The following PTPRD variants were observed in gnomAD, a reference collection of about 807,000 sequenced individuals.
PTPRD encodes receptor-type tyrosine-protein phosphatase delta.
PTPRD carries 34 observed loss-of-function variants against 214.5 expected under a neutral mutation model. That is an observed-to-expected ratio of 0.16 (90% CI 0.12 to 0.21). The LOEUF (loss-of-function observed/expected upper bound fraction) is 0.21. Ranked by LOEUF, PTPRD falls within the 10% of genes least tolerant of loss-of-function variation. PTPRD has a pLI of 1.00. For missense variants in PTPRD, 2,545 were observed against 2,398.7 expected, an observed-to-expected ratio of 1.06 and a Z score of -1.27; for synonymous variants, 1,128 against 845.7, an observed-to-expected ratio of 1.33 and a Z score of -5.79.
intron 11 of PTPRD, among the ~76,000 whole-genome samples, chr9:8,774,527 CTT>C (rs564318443): frequency 8.6e-5 from 9 of 105,218 alleles, no homozygotes; most frequent in South Asian, 3.4e-4. Context: ...TGAAAAGTAA[CTT>C]TTTTTTTTTT....
At chr9:10,354,792 G>A (rs1168011212) in intron 2 of PTPRD, among the ~76,000 whole-genome samples, 1 of 152,118 alleles carries the variant, frequency 6.6e-6, no homozygotes, top group African/African-American at 2.4e-5. Context: ...CATGGGAAAT[G>A]CATCTGACAG....
intron 30 of PTPRD, among the ~76,000 whole-genome samples, chr9:8,478,688 T>C (rs1296131865): frequency 1.3e-5 from 2 of 152,160 alleles, no homozygotes; most frequent in Non-Finnish European, 2.9e-5. Context: ...ACCACAGAAT[T>C]CCTGATACCA....
intron 5 of PTPRD, among the ~76,000 whole-genome samples, chr9:9,785,263 G>T (rs2098913500): frequency 1.3e-5 from 2 of 151,892 alleles, no homozygotes; most frequent in Admixed American, 1.3e-4. Context: ...GATTCGCAAG[G>T]GATACCAAAA....
intron 8 of PTPRD, among the ~76,000 whole-genome samples, chr9:9,483,381 A>C (rs1218998773): frequency 3.3e-5 from 5 of 152,166 alleles, no homozygotes. Flanking sequence ...ATGTGGCTTC[A>C]CCATTTGTCA....
intron 8 of PTPRD, among the ~76,000 whole-genome samples, chr9:9,398,426 A>G (rs992140056): frequency 1.3e-5 from 2 of 152,048 alleles, no homozygotes; most frequent in Non-Finnish European, 1.5e-5. Context: ...AGAAGATTCT[A>G]GTTGAGCTAA....
intron 8 of PTPRD, among the ~76,000 whole-genome samples, chr9:9,513,281 C>A (rs756491259): frequency 3.9e-5 from 6 of 151,960 alleles, no homozygotes; most frequent in Non-Finnish European, 7.4e-5. Flanking sequence ...ATGTCTCACA[C>A]AGTGTGATAA....
intron 7 of PTPRD, among the ~76,000 whole-genome samples, chr9:9,614,407 G>A (rs1268857865): frequency 1.3e-5 from 2 of 151,932 alleles, no homozygotes; most frequent in Non-Finnish European, 2.9e-5. Context: ...TTTTTTAAAT[G>A]AGGAAAAAAT....
At chr9:8,461,816 A>T (rs1161594832) in intron 32 of PTPRD, among the ~76,000 whole-genome samples, 4 of 151,576 alleles carry the variant, frequency 2.6e-5, no homozygotes, top group East Asian at 1.9e-4. Context: ...TTCTTTTTTT[A>T]AAAAAATTTT....
chr9:8,577,425 T>A (rs1368098597), intron 14 of PTPRD, among the ~76,000 whole-genome samples: 1 of 151,920 alleles, frequency 6.6e-6, no homozygotes, highest in Non-Finnish European at 1.5e-5. Flanking sequence ...CCAGAAAAAA[T>A]TGTATTTTTA....
At chr9:8,969,338 G>T (rs990993807) in intron 11 of PTPRD, among the ~76,000 whole-genome samples, 2 of 152,124 alleles carry the variant, frequency 1.3e-5, no homozygotes, top group South Asian at 2.1e-4. Flanking sequence ...TTCAGAACAT[G>T]CACAGACTAT....
At chr9:8,714,341 C>A (rs1311503486) in intron 12 of PTPRD, among the ~76,000 whole-genome samples, 2 of 151,644 alleles carry the variant, frequency 1.3e-5, no homozygotes, top group Non-Finnish European at 2.9e-5. Context: ...TGTTTTATAT[C>A]ACGGCCTCCT....
At chr9:9,869,515 T>A (rs2064889281) in intron 5 of PTPRD, among the ~76,000 whole-genome samples, 1 of 152,132 alleles carries the variant, frequency 6.6e-6, no homozygotes, top group Admixed American at 6.6e-5. Flanking sequence ...ATGCTGGATT[T>A]GTCCCACATT....
At chr9:10,066,252 G>T (rs1475712207) in intron 3 of PTPRD, among the ~76,000 whole-genome samples, 1 of 151,118 alleles carries the variant, frequency 6.6e-6, no homozygotes, top group African/African-American at 2.4e-5. Flanking sequence ...TACCAATAAA[G>T]CTTCACAATT....
chr9:10,048,051 G>T (rs1225638795), intron 3 of PTPRD, among the ~76,000 whole-genome samples: 1 of 152,094 alleles, frequency 6.6e-6, no homozygotes, highest in Non-Finnish European at 1.5e-5. Flanking sequence ...TGCTAGCTCT[G>T]CTCTTGAATC....
At chr9:10,328,500 T>A (rs993207831) in intron 3 of PTPRD, among the ~76,000 whole-genome samples, 22 of 151,794 alleles carry the variant, frequency 1.4e-4, no homozygotes, top group Admixed American at 9.2e-4. Flanking sequence ...TCTTTGCCCA[T>A]AGGAACTTGT....
At chr9:10,593,670 A>G (rs1017421733) in intron 2 of PTPRD, among the ~76,000 whole-genome samples, 3 of 152,006 alleles carry the variant, frequency 2.0e-5, no homozygotes, top group Non-Finnish European at 4.4e-5. Flanking sequence ...TAATACAAAG[A>G]GATTTTGAAT....
At chr9:10,144,062 A>C (rs2099006241) in intron 3 of PTPRD, among the ~76,000 whole-genome samples, 1 of 152,174 alleles carries the variant, frequency 6.6e-6, no homozygotes, top group Admixed American at 6.6e-5. Context: ...AGTTGAAAAA[A>C]TGAATTAATA....
chr9:10,033,446 C>G (rs917701368), intron 4 of PTPRD, among the ~76,000 whole-genome samples: 1 of 151,806 alleles, frequency 6.6e-6, no homozygotes, highest in Non-Finnish European at 1.5e-5. Flanking sequence ...AAAAGTAATA[C>G]TAGCACAACT....
At chr9:8,609,092 C>T (rs2095347869) in intron 14 of PTPRD, among the ~76,000 whole-genome samples, 1 of 152,216 alleles carries the variant, frequency 6.6e-6, no homozygotes, top group African/African-American at 2.4e-5. Flanking sequence ...CTTGTCTCAT[C>T]TTAAAAGTGA....
Sources: gnomAD v4.1 joint callset for allele counts (sites outside exome capture counted in the v4.1 genomes callset) on GRCh38, gnomAD v4.1.1 for gene constraint, MANE v1.5 for transcripts, NCBI Gene and HGNC (gene_info 2026-07-23, HGNC 2026-07-21) for gene names.